Variants in CCDC39 observed in about 807,000 individuals in gnomAD.
The protein encoded by CCDC39 is coiled-coil domain 39 molecular ruler complex subunit.
In CCDC39, 113 loss-of-function variants were observed where a neutral mutation model predicts 121.0. That is an observed-to-expected ratio of 0.93 (90% CI 0.80 to 1.09). The LOEUF (loss-of-function observed/expected upper bound fraction) is 1.09. CCDC39 is among the 50% of genes least tolerant of loss of function. CCDC39 has a pLI of 0.00. For synonymous variants in CCDC39, 349 were observed against 352.2 expected (o/e 0.99, Z 0.10); for missense variants, 1,063 against 1,074.7 (o/e 0.99, Z 0.15).
chr3:180,619,699 T>G (rs1437663312), intron 15 of CCDC39, 112 bp downstream of exon 15: 1 of 672,618 alleles, frequency 1.5e-6, no homozygotes, highest in African/African-American at 1.9e-5. Context: ...TTAGTTTTTC[T>G]GACCCAATCT....
intron 13 of CCDC39, among the ~76,000 whole-genome samples, chr3:180,635,502 G>C (rs753181675): frequency 1.3e-5 from 2 of 152,178 alleles, no homozygotes; most frequent in Admixed American, 1.3e-4. Context: ...TACAATGGGG[G>C]TACAGGCATT....
intron 1 of CCDC39, among the ~76,000 whole-genome samples, chr3:180,670,041 T>C (rs1711989232): frequency 6.6e-6 from 1 of 152,144 alleles, no homozygotes; most frequent in Non-Finnish European, 1.5e-5. Flanking sequence ...ACTCACTGAA[T>C]TAACGAATCG....
intron 11 of CCDC39, among the ~76,000 whole-genome samples, chr3:180,645,574 A>G (rs934107345): frequency 6.6e-6 from 1 of 152,118 alleles, no homozygotes; most frequent in Admixed American, 6.6e-5. Context: ...TTGCATAAAA[A>G]TGTGATTTTA....
intron 17 of CCDC39, 30 bp from the exon 18 acceptor site, chr3:180,616,725 T>G: frequency 6.4e-7 from 1 of 1,572,284 alleles, no homozygotes; most frequent in South Asian, 1.2e-5. Flanking sequence ...AATTATTCTA[T>G]AAACGTGTTT....
intron 9 of CCDC39, among the ~76,000 whole-genome samples, chr3:180,650,130 G>GTCACACTTATAGT (rs945414657): frequency 5.9e-5 from 9 of 152,104 alleles, no homozygotes; most frequent in Non-Finnish European, 1.3e-4. Flanking sequence ...GTAGAGTCAG[G>GTCACACTTATAGT]TCACACTTAT....
intron 6 of CCDC39, among the ~76,000 whole-genome samples, chr3:180,658,596 C>CA (rs545147274): frequency 0.043 from 5,827 of 134,284 alleles, 373 homozygotes; most frequent in African/African-American, 0.15. Flanking sequence ...GACTCCGTCT[C>CA]AAAAAAAAAA....
chr3:180,635,502 G>T (rs753181675), intron 13 of CCDC39, among the ~76,000 whole-genome samples: 1 of 152,178 alleles, frequency 6.6e-6, no homozygotes, highest in Non-Finnish European at 1.5e-5. Flanking sequence ...TACAATGGGG[G>T]TACAGGCATT....
chr3:180,670,517 T>G (rs1484801527), intron 1 of CCDC39, among the ~76,000 whole-genome samples: 2 of 152,136 alleles, frequency 1.3e-5, no homozygotes, highest in Non-Finnish European at 2.9e-5. Context: ...AGCTTTGATA[T>G]TCAGAGGTCC....
Position 180,660,541 on chromosome 3 carries a change from C to T in CCDC39, c.516+29G>A, listed in dbSNP as rs528671785. 2.2e-5 allele frequency: 34 copies of T among 1,532,398 alleles called. No homozygotes were observed. In the African/African-American group the frequency reaches 4.2e-4, roughly 19 times the overall value. 94.9% of individuals were successfully genotyped at this position (1,532,398 alleles called of 1,614,324 possible). ...TGACATACTACAGAGTTAGAGAAAA[C>T]CTAACAGTTACAATTTGTAATTTCT... On this transcript the variant is annotated intron_variant, in intron 4 of 19. Transcript: ENST00000476379.
rs930415930 is a variant in CCDC39 at position 180,675,417 on chromosome 3, G to A, written c.90+3874C>T. 2.4e-4 allele frequency among the ~76,000 whole-genome samples: 36 copies of A among 151,596 alleles called. 1 individual carries two copies. The highest frequency in any genetic ancestry group is 1.7e-3 in the South Asian group (8 of 4,770). On this transcript the variant is annotated intron_variant, in intron 1 of 19. Coordinates refer to ENST00000476379, the MANE Select transcript of CCDC39 (RefSeq NM_181426.2). ...TAGCGGTCTATCAATTTTGTTGATC[G>A]TTTCAAAAAACCAGCTCCTGGATTC...
At position 180,616,866 on chromosome 3, in the gene CCDC39, GTTTCT is replaced by G; in HGVS notation, c.2361_2365del (p.Lys787AsnfsTer31). The G allele has an allele frequency of 6.2e-7, 1 of 1,605,468 alleles. No individual in the cohort carries two copies. The highest frequency in any genetic ancestry group is 8.5e-7 in the Non-Finnish European group (1 of 1,173,564). On this transcript the variant is annotated frameshift_variant, in exon 17 of 20. Coordinates refer to ENST00000476379, the MANE Select transcript of CCDC39 (RefSeq NM_181426.2). LOFTEE classifies it high-confidence loss of function. ...TTCTAATTTTGGCTTCTGCTCCTCCGTTTCTTTACTTAGTTGAAATGAATAAGCCT... is the reference window on the plus strand; with the variant it reads ...TTCTAATTTTGGCTTCTGCTCCTCCGTTACTTAGTTGAAATGAATAAGCCT...
At chr3:180,618,818 T>G (rs991835679) in intron 16 of CCDC39, among the ~76,000 whole-genome samples, 1 of 152,140 alleles carries the variant, frequency 6.6e-6, no homozygotes, top group African/African-American at 2.4e-5. Flanking sequence ...TGTTGGACAT[T>G]TGGGTTGGTT....
At chr3:180,667,870 C>G (rs1049166942) in intron 1 of CCDC39, among the ~76,000 whole-genome samples, 2 of 152,086 alleles carry the variant, frequency 1.3e-5, no homozygotes, top group African/African-American at 4.8e-5. Flanking sequence ...AGTGCTGCTC[C>G]CTTGAACACA....
intron 1 of CCDC39, among the ~76,000 whole-genome samples, chr3:180,677,000 G>A (rs1712229842): frequency 6.6e-6 from 1 of 150,956 alleles, no homozygotes; most frequent in African/African-American, 2.4e-5. Context: ...CTGTTGTGGG[G>A]TGTGGGCAGC....
chr3:180,622,395 CTT>C (rs1222833544), intron 14 of CCDC39, among the ~76,000 whole-genome samples: 1 of 151,986 alleles, frequency 6.6e-6, no homozygotes, highest in Admixed American at 6.6e-5. Flanking sequence ...ATTTGAAAGA[CTT>C]TCATTTATTT....
intron 6 of CCDC39, among the ~76,000 whole-genome samples, chr3:180,659,146 T>C (rs370164617): frequency 6.6e-6 from 1 of 152,164 alleles, no homozygotes; most frequent in Admixed American, 6.5e-5. Flanking sequence ...CCAAGGGACC[T>C]TGGACAGCCA....
At chr3:180,649,276 A>G (rs1236209246) in intron 9 of CCDC39, among the ~76,000 whole-genome samples, 1 of 152,324 alleles carries the variant, frequency 6.6e-6, no homozygotes, top group Admixed American at 6.5e-5. Context: ...TCTCTCAGGA[A>G]GCAAACCTGT....
At chr3:180,661,314 T>C (rs1359388836) in intron 3 of CCDC39, among the ~76,000 whole-genome samples, 2 of 152,044 alleles carry the variant, frequency 1.3e-5, no homozygotes, top group African/African-American at 4.8e-5. Flanking sequence ...TTAATAAGTA[T>C]GTAATTATAC....
intron 3 of CCDC39, 91 bp downstream of exon 3, chr3:180,661,770 T>C: frequency 8.6e-7 from 1 of 1,160,740 alleles, no homozygotes; most frequent in South Asian, 1.5e-5. Flanking sequence ...ATGTATGCCT[T>C]TCCCATACAA....
Sources: gnomAD v4.1 joint callset for allele counts (sites outside exome capture counted in the v4.1 genomes callset) on GRCh38, gnomAD v4.1.1 for gene constraint, MANE v1.5 for transcripts, NCBI Gene and HGNC (gene_info 2026-07-23, HGNC 2026-07-21) for gene names.